CCDC3: variants seen among roughly 807,000 people sequenced by gnomAD.
The protein encoded by CCDC3 is coiled-coil domain containing 3, also known as coiled-coil domain-containing protein 3.
A neutral mutation model predicts 21.4 loss-of-function variants in CCDC3; 24 were observed. That is an observed-to-expected ratio of 1.12 (90% CI 0.81 to 1.58). The LOEUF (loss-of-function observed/expected upper bound fraction) is 1.58, where lower values mean the gene tolerates loss of function less well. Among genes scored for constraint, CCDC3 ranks in the 40% most tolerant of loss-of-function variants. The pLI, the probability that CCDC3 is intolerant of heterozygous loss-of-function variation, is 0.00. For synonymous variants in CCDC3, 186 were observed against 166.0 expected (o/e 1.12, Z -0.93); for missense variants, 425 against 360.9 (o/e 1.18, Z -1.44).
intron 2 of CCDC3, among the ~76,000 whole-genome samples, chr10:12,963,789 T>G (rs1328036722): frequency 6.6e-6 from 1 of 151,936 alleles, no homozygotes; most frequent in Non-Finnish European, 1.5e-5. Context: ...ACCATGTTGT[T>G]CTGGCTGGTC....
chr10:12,935,668 A>AT (rs369781761), intron 2 of CCDC3, among the ~76,000 whole-genome samples: 18,771 of 140,872 alleles, frequency 0.13, 1,547 homozygotes, highest in African/African-American at 0.24. Flanking sequence ...ATCCAAGTAC[A>AT]TTTTTTTTTT....
chr10:12,920,489 A>C (rs1351947944), intron 2 of CCDC3, among the ~76,000 whole-genome samples: 1 of 152,226 alleles, frequency 6.6e-6, no homozygotes, highest in Non-Finnish European at 1.5e-5. Flanking sequence ...TACCCAGGGC[A>C]GAAAGTTTCC....
At chr10:13,090,213 C>G (rs1167517359) in intron 3 of CCDC3, among the ~76,000 whole-genome samples, 2 of 151,416 alleles carry the variant, frequency 1.3e-5, no homozygotes, top group Non-Finnish European at 2.9e-5. Flanking sequence ...CTCAGCCTCC[C>G]AAGTAGCTGG....
chr10:12,932,629 C>T (rs1055365420), intron 2 of CCDC3, among the ~76,000 whole-genome samples: 5 of 152,154 alleles, frequency 3.3e-5, no homozygotes, highest in African/African-American at 1.2e-4. Flanking sequence ...ATGTCGTCCT[C>T]CTCAATCTGT....
At chr10:13,052,978 A>ACACATACACACACACACC (rs1836631030) in intron 4 of CCDC3, among the ~76,000 whole-genome samples, 1 of 86,392 alleles carries the variant, frequency 1.2e-5, no homozygotes, top group Non-Finnish European at 2.6e-5. Flanking sequence ...ACACACACAC[A>ACACATACACACACACACC]CACACACATA....
intron 2 of CCDC3, among the ~76,000 whole-genome samples, chr10:12,949,628 A>G (rs750509994): frequency 6.6e-6 from 1 of 152,230 alleles, no homozygotes; most frequent in Non-Finnish European, 1.5e-5. Context: ...AACAAGATAC[A>G]TAACTGCCTT....
chr10:13,047,455 A>G (rs1456624761), intron 5 of CCDC3, among the ~76,000 whole-genome samples: 1 of 152,210 alleles, frequency 6.6e-6, no homozygotes, highest in East Asian at 1.9e-4. Context: ...CAGGACAAAA[A>G]GTTTGGGGAA....
chr10:12,930,668 AAATACCTTTCATTGTGATG>A (rs1320678809), intron 2 of CCDC3, among the ~76,000 whole-genome samples: 1 of 152,166 alleles, frequency 6.6e-6, no homozygotes, highest in African/African-American at 2.4e-5. Flanking sequence ...CAGTGTTCGG[AAATACCTTTCATTGTGATG>A]AGTTGGGGGA....
At chr10:13,057,608 G>A (rs1379040109) in intron 4 of CCDC3, among the ~76,000 whole-genome samples, 1 of 151,962 alleles carries the variant, frequency 6.6e-6, no homozygotes, top group African/African-American at 2.4e-5. Flanking sequence ...GACCGGGCGC[G>A]GGGGCTCACA....
chr10:13,005,034 C>A (rs1347355552), upstream of CCDC3, among the ~76,000 whole-genome samples: 1 of 152,104 alleles, frequency 6.6e-6, no homozygotes, highest in African/African-American at 2.4e-5. Flanking sequence ...CTTTCAAGTC[C>A]CTAACCATCA....
intron 4 of CCDC3, among the ~76,000 whole-genome samples, chr10:13,070,072 C>T (rs1350209743): frequency 6.6e-6 from 1 of 151,246 alleles, no homozygotes; most frequent in Non-Finnish European, 1.5e-5. Flanking sequence ...CAAGAGTTAA[C>T]TGAACGGTCT....
At chr10:12,927,622 G>C (rs1834565393) in intron 2 of CCDC3, among the ~76,000 whole-genome samples, 1 of 152,066 alleles carries the variant, frequency 6.6e-6, no homozygotes, top group South Asian at 2.1e-4. Context: ...ATCTCTTCTA[G>C]AAATGATAAT....
chr10:12,936,196 A>G (rs982054815), intron 2 of CCDC3, among the ~76,000 whole-genome samples: 3 of 151,886 alleles, frequency 2.0e-5, no homozygotes, highest in African/African-American at 7.3e-5. Context: ...TTTCTCCATC[A>G]CTTTTGAAGG....
intron 2 of CCDC3, among the ~76,000 whole-genome samples, chr10:12,914,652 C>T (rs1026144333): frequency 2.0e-5 from 3 of 150,832 alleles, no homozygotes; most frequent in Non-Finnish European, 4.4e-5. Context: ...CTATGTTGAC[C>T]AGGCTGTTTT....
chr10:13,080,878 G>A (rs1200660378), intron 3 of CCDC3, among the ~76,000 whole-genome samples: 2 of 152,262 alleles, frequency 1.3e-5, no homozygotes, highest in Non-Finnish European at 2.9e-5. Flanking sequence ...GCAAAGTCTA[G>A]GGTTGGCCGG....
intron 3 of CCDC3, among the ~76,000 whole-genome samples, chr10:13,092,304 C>T (rs934304683): frequency 1.3e-5 from 2 of 152,164 alleles, no homozygotes; most frequent in African/African-American, 4.8e-5. Flanking sequence ...TATAATAAGA[C>T]ACAGTGAATG....
chr10:12,986,772 CAA>C (rs201147153), intron 2 of CCDC3, among the ~76,000 whole-genome samples: 20 of 75,454 alleles, frequency 2.7e-4, no homozygotes, highest in African/African-American at 7.4e-4. Flanking sequence ...GACTCCGTCT[CAA>C]AAAAAAAAAA....
chr10:13,014,515 A>C (rs921615076), intron 5 of CCDC3, among the ~76,000 whole-genome samples: 2 of 152,002 alleles, frequency 1.3e-5, no homozygotes, highest in Non-Finnish European at 2.9e-5. Flanking sequence ...CAAAAGACTA[A>C]TGCAACACAC....
chr10:13,096,979 G>A (rs1832634721), intron 3 of CCDC3, among the ~76,000 whole-genome samples: 1 of 152,190 alleles, frequency 6.6e-6, no homozygotes, highest in Non-Finnish European at 1.5e-5. Context: ...AAGACAAGAA[G>A]AAAGGCTGTA....
Sources: gnomAD v4.1 joint callset for allele counts (sites outside exome capture counted in the v4.1 genomes callset) on GRCh38, gnomAD v4.1.1 for gene constraint, MANE v1.5 for transcripts, NCBI Gene and HGNC (gene_info 2026-07-23, HGNC 2026-07-21) for gene names.